The following FHOD3 variants were observed in gnomAD, a reference collection of about 807,000 sequenced individuals.
The protein encoded by FHOD3 is formin homology 2 domain containing 3.
Under a neutral mutation model 173.0 loss-of-function variants are expected in FHOD3, and 90 were observed. The observed-to-expected ratio is 0.52, with a 90% CI of 0.44 to 0.62. The LOEUF (loss-of-function observed/expected upper bound fraction) is 0.62, where lower values mean the gene tolerates loss of function less well. Ranked by LOEUF, FHOD3 falls within the 20% of genes least tolerant of loss-of-function variation. The pLI is 0.00. For synonymous variants in FHOD3, 828 were observed against 823.0 expected (o/e 1.01, Z -0.10); for missense variants, 1,945 against 2,034.7 (o/e 0.96, Z 0.85).
rs552637255 is a variant in FHOD3 at position 36,467,730 on chromosome 18, G to A, written c.338-34202G>A. On this transcript the variant is annotated intron_variant, in intron 3 of 28. Coordinates refer to ENST00000590592, the MANE Select transcript of FHOD3 (RefSeq NM_001281740.3). ...AGTGTGAAGTGCTTGGCACACACACGGCATCCTAGCAGTGCTTAGGGCTGG... is the reference window on the plus strand; with the variant it reads ...AGTGTGAAGTGCTTGGCACACACACAGCATCCTAGCAGTGCTTAGGGCTGG... Among the ~76,000 whole-genome samples the A allele has an allele frequency of 5.3e-5, 8 of 152,290 alleles. No individual in the cohort carries two copies. The South Asian group carries it at 1.2e-3, about 24-fold the overall frequency.
At chr18:36,378,125 A>G (rs1401555385) in intron 3 of FHOD3, among the ~76,000 whole-genome samples, 1 of 152,158 alleles carries the variant, frequency 6.6e-6, no homozygotes, top group African/African-American at 2.4e-5. Flanking sequence ...AGCCCTGGAA[A>G]CCATCTCTCA....
At chr18:36,414,212 T>C (rs947139037) in intron 3 of FHOD3, among the ~76,000 whole-genome samples, 2 of 151,982 alleles carry the variant, frequency 1.3e-5, no homozygotes, top group African/African-American at 2.4e-5. Context: ...AGCACAGGAG[T>C]AGCTGCATGG....
intron 4 of FHOD3, among the ~76,000 whole-genome samples, chr18:36,503,307 T>A (rs1454983797): frequency 1.3e-5 from 2 of 152,198 alleles, no homozygotes; most frequent in African/African-American, 4.8e-5. Context: ...TTGATTCTAG[T>A]TTACATTCTA....
At chr18:36,339,320 C>G (rs1224794036) in intron 1 of FHOD3, among the ~76,000 whole-genome samples, 4 of 152,154 alleles carry the variant, frequency 2.6e-5, no homozygotes, top group African/African-American at 4.8e-5. Flanking sequence ...CAGCAGCCAA[C>G]TGGCTGCTTC....
At chr18:36,497,178 G>A (rs2054789624) in intron 3 of FHOD3, among the ~76,000 whole-genome samples, 1 of 152,148 alleles carries the variant, frequency 6.6e-6, no homozygotes, top group Non-Finnish European at 1.5e-5. Flanking sequence ...TAAAGGTTTT[G>A]TTTTGAAAAT....
At chr18:36,614,708 A>G (rs923232072) in intron 9 of FHOD3, among the ~76,000 whole-genome samples, 2 of 152,128 alleles carry the variant, frequency 1.3e-5, no homozygotes, top group Admixed American at 1.3e-4. Flanking sequence ...GTGAAGTGGT[A>G]TCTTACTGTA....
chr18:36,535,742 A>G (rs1427059151), intron 5 of FHOD3, among the ~76,000 whole-genome samples: 2 of 152,194 alleles, frequency 1.3e-5, no homozygotes, highest in Non-Finnish European at 2.9e-5. Context: ...ACAGTATTTA[A>G]TACTACTAAA....
intron 17 of FHOD3, among the ~76,000 whole-genome samples, chr18:36,695,754 T>C (rs571817951): frequency 6.6e-6 from 1 of 152,362 alleles, no homozygotes; most frequent in South Asian, 2.1e-4. Context: ...TTGGCCTTTA[T>C]GACAGAAATG....
chr18:36,408,986 G>C (rs1370224485), intron 3 of FHOD3, among the ~76,000 whole-genome samples: 1 of 152,154 alleles, frequency 6.6e-6, no homozygotes, highest in Non-Finnish European at 1.5e-5. Flanking sequence ...CCCCCTGCTG[G>C]GGAGCTGGGT....
chr18:36,324,528 A>G (rs2044567476), intron 1 of FHOD3, among the ~76,000 whole-genome samples: 1 of 152,212 alleles, frequency 6.6e-6, no homozygotes, highest in Non-Finnish European at 1.5e-5. Flanking sequence ...AAATATATAA[A>G]AGGCTTCTTA....
chr18:36,735,845 CATT>C (rs2041602985), intron 20 of FHOD3, among the ~76,000 whole-genome samples: 1 of 152,152 alleles, frequency 6.6e-6, no homozygotes, highest in South Asian at 2.1e-4. Flanking sequence ...AAGGATTACT[CATT>C]ATAGTTTCAT....
At chr18:36,537,992 G>C (rs2057063723) in intron 5 of FHOD3, among the ~76,000 whole-genome samples, 1 of 152,146 alleles carries the variant, frequency 6.6e-6, no homozygotes, top group Admixed American at 6.5e-5. Context: ...TGCAGAATGT[G>C]TTCTTCAACC....
At chr18:36,607,033 C>G (rs1209107964) in intron 8 of FHOD3, among the ~76,000 whole-genome samples, 1 of 152,210 alleles carries the variant, frequency 6.6e-6, no homozygotes, top group Admixed American at 6.5e-5. Context: ...CTTATGCCTA[C>G]AGCTTTCGCG....
At chr18:36,665,631 ATCTT>A (rs1470666706) in intron 14 of FHOD3, among the ~76,000 whole-genome samples, 1 of 152,230 alleles carries the variant, frequency 6.6e-6, no homozygotes, top group African/African-American at 2.4e-5. Context: ...GCGAGTCCAT[ATCTT>A]TCTTCAAAAC....
intron 14 of FHOD3, among the ~76,000 whole-genome samples, chr18:36,672,770 C>G (rs1347384559): frequency 1.3e-5 from 2 of 152,146 alleles, no homozygotes; most frequent in Non-Finnish European, 2.9e-5. Flanking sequence ...GTGCAATAAA[C>G]AAATAGAAGA....
At chr18:36,621,092 T>G (rs2033667433) in intron 9 of FHOD3, among the ~76,000 whole-genome samples, 1 of 152,208 alleles carries the variant, frequency 6.6e-6, no homozygotes, top group Non-Finnish European at 1.5e-5. Flanking sequence ...ATTAAATTCA[T>G]TTGAATTTTT....
chr18:36,743,158 A>G (rs1344930302), intron 22 of FHOD3, among the ~76,000 whole-genome samples: 5 of 151,968 alleles, frequency 3.3e-5, no homozygotes, highest in African/African-American at 4.8e-5. Flanking sequence ...AAATACAAAA[A>G]ATTAGCCAGG....
chr18:36,548,486 G>A (rs2057504754), intron 5 of FHOD3, among the ~76,000 whole-genome samples: 1 of 152,096 alleles, frequency 6.6e-6, no homozygotes. Context: ...GATATGTTTG[G>A]ACATACGTGT....
rs199580509 is a variant in FHOD3, at chr18:36,502,037, A to G, written c.405+38A>G. On this transcript the variant is annotated intron_variant, in intron 4 of 28. Coordinates refer to ENST00000590592, the MANE Select transcript of FHOD3 (RefSeq NM_001281740.3). Reference sequence around the variant, plus strand: ...AAAATAAGTACTTACCTGTTTTTACATTGCTGTGAAATTAGATACAGGCAA... The same window carrying G: ...AAAATAAGTACTTACCTGTTTTTACGTTGCTGTGAAATTAGATACAGGCAA... 80 of 1,411,394 alleles carry G rather than the reference A, an allele frequency of 5.7e-5. 1 individual carries two copies. In the East Asian group the frequency reaches 1.8e-3, roughly 32 times the overall value. 87.4% of individuals were successfully genotyped at this position (1,411,394 alleles called of 1,614,324 possible). A position where few individuals can be genotyped will look rare whatever the true frequency, so the allele number is the denominator to read the frequency against.
Sources: gnomAD v4.1 joint callset for allele counts (sites outside exome capture counted in the v4.1 genomes callset) on GRCh38, gnomAD v4.1.1 for gene constraint, MANE v1.5 for transcripts, NCBI Gene and HGNC (gene_info 2026-07-23, HGNC 2026-07-21) for gene names.